NR4A1: variants seen among roughly 807,000 people sequenced by gnomAD.
NR4A1 encodes nuclear receptor subfamily 4 group A member 1, also known as nuclear receptor subfamily 4immunitygroup A member 1.
In NR4A1, 24 loss-of-function variants were observed where a neutral mutation model predicts 47.5. That is an observed-to-expected ratio of 0.50 (90% CI 0.37 to 0.71). NR4A1 has a LOEUF of 0.71. Ranked by LOEUF, NR4A1 falls within the 30% of genes least tolerant of loss-of-function variation. The probability of loss-of-function intolerance (pLI) is 0.00; values close to 1 mark genes in which losing one functional copy is unlikely to be tolerated. For missense variants in NR4A1, 669 were observed against 788.6 expected (o/e 0.85, Z 1.82); for synonymous variants, 353 against 345.7 (o/e 1.02, Z -0.24).
intron 1 of NR4A1, among the ~76,000 whole-genome samples, chr12:52,035,097 G>A (rs1938208072): frequency 6.6e-6 from 1 of 152,156 alleles, no homozygotes. Flanking sequence ...GGGCAGAGCA[G>A]GGAGGAGAAC....
intron 1 of NR4A1, among the ~76,000 whole-genome samples, chr12:52,034,326 C>CAT (rs1209445246): frequency 2.0e-5 from 3 of 152,238 alleles, no homozygotes; most frequent in African/African-American, 7.2e-5. Flanking sequence ...GCAATGTTTC[C>CAT]ATACCTATTC....
In NR4A1 at chr12:52,059,158, AG is replaced by A; in HGVS notation, c.*215del. Reference sequence around the variant, plus strand: ...CCCCACGATTTGTCTTATCCCCCCCAGCCTGGCCCCGGCCTTTATGTTTTTT... The same window carrying A: ...CCCCACGATTTGTCTTATCCCCCCCACCTGGCCCCGGCCTTTATGTTTTTT... On this transcript the variant is annotated 3_prime_UTR_variant, in exon 7 of 7. Coordinates refer to ENST00000394825, the MANE Select transcript of NR4A1 (RefSeq NM_173157.3). 1.6e-6 allele frequency: 1 copy of A among 610,528 alleles called. No individual in the cohort carries two copies. Among genetic ancestry groups the A allele is most frequent in the South Asian group, 2.2e-5 (1 of 45,868 alleles). 37.8% of individuals were successfully genotyped at this position (610,528 alleles called of 1,614,324 possible).
chr12:52,044,664 CAG>C (rs1938565648), intron 2 of NR4A1, among the ~76,000 whole-genome samples: 1 of 152,200 alleles, frequency 6.6e-6, no homozygotes, highest in East Asian at 1.9e-4. Flanking sequence ...GACTCGTTAT[CAG>C]AGAGTTTTTA....
intron 1 of NR4A1, among the ~76,000 whole-genome samples, chr12:52,033,326 G>T (rs541450519): frequency 1.2e-3 from 180 of 152,364 alleles, no homozygotes; most frequent in South Asian, 2.1e-3. Context: ...GCCGTCGTCG[G>T]AGGATGACCA....
rs374615853 is a variant in NR4A1, at chr12:52,058,977, C to T, written c.*33C>T. 1.3e-6 allele frequency: 2 copies of T among 1,583,268 alleles called. No homozygotes were observed. The highest frequency in any genetic ancestry group is 2.3e-5 in the South Asian group (2 of 88,268). On this transcript the variant is annotated 3_prime_UTR_variant, in exon 7 of 7. Coordinates refer to ENST00000394825, the MANE Select transcript of NR4A1 (RefSeq NM_173157.3). ...CTGGGAACACGTGTGCACATGCGCA[C>T]TCTCATATGCCACCCCATGTGCCTT...
Position 52,055,057 on chromosome 12 carries a change from G to C in NR4A1, c.729G>C (p.Ser243=). 1 of 1,614,242 alleles carries C rather than the reference G, an allele frequency of 6.2e-7. No homozygotes were observed. Among genetic ancestry groups the C allele is most frequent in the Non-Finnish European group, 8.5e-7 (1 of 1,180,046 alleles). The change falls in exon 2 of 7, where the codon TCG becomes TCC. Residue 243 remains serine (S), a synonymous_variant. Coordinates refer to ENST00000394825, the MANE Select transcript of NR4A1 (RefSeq NM_173157.3). ...CCACTTCTCCACACCTTGAGGGCTC[G>C]GGGATACTGGATACACCCGTGACCT... ...LAPTSPHLEG[S]GILDTPVTST... is the part of the protein sequence containing the mutation.
chr12:52,043,818 C>T, intron 2 of NR4A1: 2 of 1,288,616 alleles, frequency 1.6e-6, no homozygotes, highest in Non-Finnish European at 2.0e-6. Context: ...CTGAGACCAC[C>T]AGGAAGAGCC....
At chr12:52,051,100 G>A (rs1333909616), upstream of NR4A1, among the ~76,000 whole-genome samples, 1 of 152,198 alleles carries the variant, frequency 6.6e-6, no homozygotes, top group Admixed American at 6.5e-5. Flanking sequence ...GCCCCCAGCT[G>A]GGACCCGAGT....
chr12:52,042,121 G>T (rs1486127720), intron 2 of NR4A1, among the ~76,000 whole-genome samples: 1 of 152,078 alleles, frequency 6.6e-6, no homozygotes, highest in Non-Finnish European at 1.5e-5. Flanking sequence ...TGAGTGTGGG[G>T]ACTGGGGAAG....
intron 1 of NR4A1, chr12:52,038,799 C>T (rs765856823): frequency 9.2e-6 from 7 of 757,804 alleles, no homozygotes; most frequent in East Asian, 2.4e-5. Context: ...ATGTGACTGA[C>T]GATTCCTGTG....
intron 1 of NR4A1, among the ~76,000 whole-genome samples, chr12:52,025,443 C>T (rs1451844470): frequency 6.6e-6 from 1 of 152,166 alleles, no homozygotes; most frequent in Non-Finnish European, 1.5e-5. Context: ...GCCTTCCCAC[C>T]GGTCCTGTGT....
chr12:52,042,781 G>T (rs1030186020), intron 2 of NR4A1, among the ~76,000 whole-genome samples: 1 of 152,200 alleles, frequency 6.6e-6, no homozygotes, highest in Non-Finnish European at 1.5e-5. Flanking sequence ...ATGAGATGGG[G>T]CCAAGGGCAC....
chr12:52,050,664 G>A (rs889389413), upstream of NR4A1, among the ~76,000 whole-genome samples: 4 of 152,226 alleles, frequency 2.6e-5, no homozygotes, highest in African/African-American at 9.6e-5. Flanking sequence ...GCCAACGCCT[G>A]CCCTCGGGAA....
Position 52,057,204 on chromosome 12 carries a change from G to A in NR4A1, c.1306G>A (p.Asp436Asn). 1 of 1,614,056 alleles carries A rather than the reference G, an allele frequency of 6.2e-7. No homozygotes were observed. Among genetic ancestry groups the A allele is most frequent in the African/African-American group, 1.3e-5 (1 of 75,048 alleles). ...TGCTGAGCTGTCACCGGCTGACCAGGACCTGTTGCTGGAGTCGGCCTTCCT... is the reference window on the plus strand; with the variant it reads ...TGCTGAGCTGTCACCGGCTGACCAGAACCTGTTGCTGGAGTCGGCCTTCCT... ...GFAELSPADQ[D>N]LLLESAFLEL... The change falls in exon 5 of 7, where the codon GAC (aspartate) becomes AAC (asparagine). Residue 436 changes from aspartate (D) to asparagine (N), a missense_variant. Transcript: ENST00000394825.
chr12:52,053,907 G>C (rs569552143), intron 1 of NR4A1: 4 of 187,670 alleles, frequency 2.1e-5, no homozygotes, highest in Admixed American at 1.7e-4. Context: ...CTGCTCCTGG[G>C]AGCTGGGCTG....
At chr12:52,035,192 ACTG>A (rs1345456460) in intron 1 of NR4A1, among the ~76,000 whole-genome samples, 5 of 152,296 alleles carry the variant, frequency 3.3e-5, no homozygotes, top group African/African-American at 1.2e-4. Flanking sequence ...ACCTCTAGAG[ACTG>A]CTTCTTCCAC....
At chr12:52,047,964 T>G (rs562493138), upstream of NR4A1, among the ~76,000 whole-genome samples, 3 of 148,734 alleles carry the variant, frequency 2.0e-5, no homozygotes, top group Non-Finnish European at 3.0e-5. Context: ...ACTATCCTGG[T>G]TAACACGGTG....
At chr12:52,036,522 CAGG>C (rs1938240130) in intron 1 of NR4A1, among the ~76,000 whole-genome samples, 1 of 152,226 alleles carries the variant, frequency 6.6e-6, no homozygotes, top group Non-Finnish European at 1.5e-5. Flanking sequence ...AGCTGAGGCT[CAGG>C]AGGTCAAGTG....
chr12:52,051,261 C>T (rs946129512), upstream of NR4A1: 14 of 229,800 alleles, frequency 6.1e-5, no homozygotes, highest in Non-Finnish European at 1.0e-4. Flanking sequence ...GGCCCCCCCT[C>T]CTCGCCCCGC....
Sources: allele counts gnomAD v4.1 joint callset (sites outside exome capture counted in the v4.1 genomes callset), GRCh38; gene constraint gnomAD v4.1.1; transcripts MANE v1.5; gene names NCBI Gene and HGNC (gene_info 2026-07-23, HGNC 2026-07-21).